CCDC144A: variants seen among roughly 807,000 people sequenced by gnomAD.
CCDC144A encodes the protein coiled-coil domain containing 144A.
Under a neutral mutation model 143.8 loss-of-function variants are expected in CCDC144A, and 41 were observed. The observed-to-expected ratio is 0.29, with a 90% CI of 0.22 to 0.37. CCDC144A has a LOEUF of 0.37. Among genes scored for constraint, CCDC144A ranks in the 10% least tolerant of loss-of-function variants. The pLI is 1.00. For synonymous variants in CCDC144A, 242 were observed against 517.9 expected (o/e 0.47, Z 7.23); for missense variants, 637 against 1,488.8 (o/e 0.43, Z 9.41).
chr17:16,746,668 G>T (rs1381223908), intron 12 of CCDC144A: 118 of 1,611,640 alleles, frequency 7.3e-5, no homozygotes, highest in Non-Finnish European at 9.7e-5. Context: ...GGTCGGCGGC[G>T]AAGAACTCGA....
Position 16,734,176 on chromosome 17 carries a change from G to A in CCDC144A, c.2419-514G>A, listed in dbSNP as rs556837509. Among the ~76,000 whole-genome samples, 566 of 148,972 alleles carry A rather than the reference G, an allele frequency of 3.8e-3. 6 individuals are homozygous for A. The highest frequency in any genetic ancestry group is 0.013 in the African/African-American group (539 of 40,546). On this transcript the variant is annotated intron_variant, in intron 11 of 16. Transcript: ENST00000399273. Reference sequence around the variant, plus strand: ...AAAAAAAAGCCTAATATAATGCTTAGATTTAGCATTTATGAATAAATGTAA... The same window carrying A: ...AAAAAAAAGCCTAATATAATGCTTAAATTTAGCATTTATGAATAAATGTAA...
intron 2 of CCDC144A, among the ~76,000 whole-genome samples, chr17:16,694,209 T>C (rs1459513994): frequency 6.6e-6 from 1 of 151,616 alleles, no homozygotes; most frequent in Non-Finnish European, 1.5e-5. Flanking sequence ...TAGTGATTTG[T>C]GTCACTAAAA....
At chr17:16,667,576 G>C in the CCDC144A span, among the ~76,000 whole-genome samples, 2 of 152,076 alleles carry the variant, frequency 1.3e-5, no homozygotes, top group East Asian at 1.9e-4. Flanking sequence ...CTTTCTCTCC[G>C]GCTGCTCAGC....
At chr17:16,710,376 AAAAAAAGAAAAG>A (rs1444602680) in intron 5 of CCDC144A, 32 of 152,426 alleles carry the variant, frequency 2.1e-4, no homozygotes, top group African/African-American at 7.0e-4. Context: ...AAAAAAAAAA[AAAAAAAGAAAAG>A]AAAAAAGAAG....
chr17:16,747,864 CAAAG>C (rs746819730), intron 12 of CCDC144A, among the ~76,000 whole-genome samples: 18 of 152,222 alleles, frequency 1.2e-4, no homozygotes, highest in South Asian at 6.2e-4. Flanking sequence ...ATATCATCAG[CAAAG>C]AGAGATAGTT....
intron 2 of CCDC144A, among the ~76,000 whole-genome samples, 154 bp from the exon 3 acceptor site, chr17:16,704,997 G>A (rs1326325694): frequency 6.6e-6 from 1 of 152,192 alleles, no homozygotes; most frequent in Non-Finnish European, 1.5e-5. Flanking sequence ...GTAAGCATAG[G>A]ACATGTAAAA....
chr17:16,746,583 C>G, intron 12 of CCDC144A: 1 of 1,613,718 alleles, frequency 6.2e-7, no homozygotes, highest in Non-Finnish European at 8.5e-7. Context: ...TCAAAACGAT[C>G]TCTAAAAAGA....
rs560008052 is a variant in CCDC144A at position 16,712,362 on chromosome 17, G to T, written c.1715+547G>T. On this transcript the variant is annotated intron_variant, in intron 6 of 16. Transcript: ENST00000399273. ...AGTATTGGCAAATGTGAAGAAAAAGGCGTTTTCATACACTTGTTAAATGAA... is the reference window on the plus strand; with the variant it reads ...AGTATTGGCAAATGTGAAGAAAAAGTCGTTTTCATACACTTGTTAAATGAA... Among the ~76,000 whole-genome samples the T allele has an allele frequency of 4.6e-5, 7 of 152,114 alleles. No individual in the cohort carries two copies. In the South Asian group the frequency reaches 6.2e-4, roughly 14 times the overall value.
intron 8 of CCDC144A, 113 bp downstream of exon 8, chr17:16,720,771 G>A: frequency 1.3e-6 from 2 of 1,519,782 alleles, no homozygotes; most frequent in Admixed American, 2.2e-5. Context: ...TACGCTCAGT[G>A]TTAAAATAGA....
intron 1 of CCDC144A, among the ~76,000 whole-genome samples, chr17:16,690,971 T>C (rs1227526990): frequency 6.6e-6 from 1 of 152,250 alleles, no homozygotes; most frequent in Non-Finnish European, 1.5e-5. Context: ...TTATCCATTT[T>C]CTCAATTTAT....
chr17:16,765,086 C>CT (rs1915538878), intron 15 of CCDC144A: 1 of 93,274 alleles, frequency 1.1e-5, no homozygotes, highest in Non-Finnish European at 2.0e-5. Flanking sequence ...GAGTAAGAGT[C>CT]TATTTCTGGG....
chr17:16,698,970 T>C (rs1458547340), intron 2 of CCDC144A, among the ~76,000 whole-genome samples: 1 of 152,244 alleles, frequency 6.6e-6, no homozygotes, highest in Non-Finnish European at 1.5e-5. Flanking sequence ...TGACTCCTTT[T>C]GTTAGTGCAG....
intron 9 of CCDC144A, among the ~76,000 whole-genome samples, chr17:16,729,148 G>C (rs1913583158): frequency 1.3e-5 from 2 of 152,126 alleles, no homozygotes; most frequent in South Asian, 4.1e-4. Context: ...TATTTTAGTT[G>C]TTTGAGAAAT....
At chr17:16,746,797 G>A in intron 12 of CCDC144A, 2 of 1,485,238 alleles carry the variant, frequency 1.3e-6, no homozygotes, top group South Asian at 1.2e-5. Flanking sequence ...CCGGGGCGGA[G>A]CGTGGACAAG....
At chr17:16,728,008 A>G (rs1160914029) in intron 9 of CCDC144A, 1 of 293,212 alleles carries the variant, frequency 3.4e-6, no homozygotes, top group Non-Finnish European at 6.6e-6. Context: ...TGGGTTTTAA[A>G]ATTATCTTGT....
rs1359608268 is a variant in CCDC144A, at chr17:16,776,715, T to C, written c.*3082T>C. 2 of 151,818 alleles carry C rather than the reference T, an allele frequency of 1.3e-5. No homozygotes were observed. Among genetic ancestry groups the C allele is most frequent in the African/African-American group, 2.4e-5 (1 of 41,330 alleles). 9.4% of individuals were successfully genotyped at this position (151,818 alleles called of 1,614,324 possible). ...CTTTCTTTCTCTTGCCTGATTGCCT[T>C]GGTGAGAATTTCTAATACTGTGTTG... is the stretch of plus-strand genomic sequence containing the variant. On this transcript the variant is annotated 3_prime_UTR_variant, in exon 17 of 17. Coordinates refer to ENST00000399273, the MANE Select transcript of CCDC144A (RefSeq NM_001382000.1).
chr17:16,734,141 GAAA>G (rs11335262), intron 11 of CCDC144A, among the ~76,000 whole-genome samples: 2 of 90,428 alleles, frequency 2.2e-5, no homozygotes, highest in Non-Finnish European at 4.8e-5. Context: ...ACCCTATCTC[GAAA>G]AAAAAAAAAA....
At chr17:16,707,249 A>T in intron 3 of CCDC144A, 3 of 465,320 alleles carry the variant, frequency 6.4e-6, no homozygotes, top group African/African-American at 2.1e-5. Context: ...GTATTTCTTT[A>T]ACCTGGTGGC....
At chr17:16,736,355 G>T (rs546193442) in intron 12 of CCDC144A, among the ~76,000 whole-genome samples, 1 of 150,812 alleles carries the variant, frequency 6.6e-6, no homozygotes, top group Non-Finnish European at 1.5e-5. Flanking sequence ...CAGGTGATCC[G>T]CCCGCCTTGG....
Sources: gnomAD v4.1 joint callset for allele counts (sites outside exome capture counted in the v4.1 genomes callset) on GRCh38, gnomAD v4.1.1 for gene constraint, MANE v1.5 for transcripts, NCBI Gene and HGNC (gene_info 2026-07-23, HGNC 2026-07-21) for gene names.